The following ZFAND4 variants were observed in gnomAD, a reference collection of about 807,000 sequenced individuals.
The protein encoded by ZFAND4 is AN1-type zinc finger protein 4.
Under a neutral mutation model 64.4 loss-of-function variants are expected in ZFAND4, and 43 were observed. That is an observed-to-expected ratio of 0.67 (90% CI 0.52 to 0.86). The LOEUF (loss-of-function observed/expected upper bound fraction) is 0.86. Among genes scored for constraint, ZFAND4 ranks in the 40% least tolerant of loss-of-function variants. The pLI is 0.00. For synonymous variants in ZFAND4, 296 were observed against 305.7 expected, an observed-to-expected ratio of 0.97 and a Z score of 0.33; for missense variants, 929 against 859.8, an observed-to-expected ratio of 1.08 and a Z score of -1.01.
intron 6 of ZFAND4, among the ~76,000 whole-genome samples, chr10:45,637,526 C>A (rs1277414893): frequency 6.6e-6 from 1 of 151,842 alleles, no homozygotes; most frequent in Non-Finnish European, 1.5e-5. Context: ...CCGAGGCAGG[C>A]AGATGACAAG....
At position 45,616,291 on chromosome 10, in the gene ZFAND4, C is replaced by A; in HGVS notation, c.*145G>T. The A allele has an allele frequency of 1.9e-6, 2 of 1,063,292 alleles. No homozygotes were observed. Among genetic ancestry groups the A allele is most frequent in the Admixed American group, 3.1e-5 (1 of 32,590 alleles). 65.9% of individuals were successfully genotyped at this position (1,063,292 alleles called of 1,614,324 possible). On this transcript the variant is annotated 3_prime_UTR_variant, in exon 10 of 10. Coordinates refer to ENST00000344646, the MANE Select transcript of ZFAND4 (RefSeq NM_174890.4). Reference sequence around the variant, plus strand: ...GAAATAAAGATGTAAAATACAGTAGCATTCTTGTTCTCCAACAGTATGCAT... The same window carrying A: ...GAAATAAAGATGTAAAATACAGTAGAATTCTTGTTCTCCAACAGTATGCAT...
chr10:45,650,107 T>A (rs571863466), intron 4 of ZFAND4: 4 of 152,252 alleles, frequency 2.6e-5, no homozygotes, highest in South Asian at 4.1e-4. Flanking sequence ...AATTTTTTTT[T>A]ATTTGTATTC....
chr10:45,626,969 T>C lies in ZFAND4; in HGVS notation c.854A>G (p.Asn285Ser), dbSNP rs199693373. 8.1e-6 allele frequency: 13 copies of C among 1,614,158 alleles called. No individual in the cohort carries two copies. The highest frequency in any genetic ancestry group is 1.6e-4 in the Middle Eastern group (1 of 6,062). ...IGQSCSPAFG[N>S]AYPPEISRNG... ...CCTGGAGATTTCGGGCGGATATGCA[T>C]TCCCAAAAGCAGGTGAACAAGATTG... The change falls in exon 7 of 10, where the codon AAT becomes AGT. Residue 285 changes from asparagine to serine, a missense_variant. Transcript: ENST00000344646.
intron 6 of ZFAND4, among the ~76,000 whole-genome samples, chr10:45,630,498 G>A (rs1461992124): frequency 4.6e-5 from 7 of 152,054 alleles, no homozygotes; most frequent in African/African-American, 1.2e-4. Flanking sequence ...TTGGGAGGCC[G>A]AGGCGGATCA....
At chr10:45,671,187 C>G (rs1401085511) in intron 1 of ZFAND4, among the ~76,000 whole-genome samples, 2 of 152,182 alleles carry the variant, frequency 1.3e-5, no homozygotes, top group Admixed American at 1.3e-4. Flanking sequence ...ACAACAGATG[C>G]TGGAGAGGAT....
intron 2 of ZFAND4, among the ~76,000 whole-genome samples, chr10:45,654,385 C>G (rs1284329660): frequency 6.6e-6 from 1 of 152,114 alleles, no homozygotes. Flanking sequence ...CTTTAGGAGG[C>G]CGAGGCAGGT....
At chr10:45,617,624 GCAGTTATTTTAATT>G (rs1248770395) in intron 9 of ZFAND4, 2 of 142,180 alleles carry the variant, frequency 1.4e-5, no homozygotes, top group Non-Finnish European at 3.0e-5. Context: ...GTCCGCAGCA[GCAGTTATTTTAATT>G]CAAGCCTAGC....
chr10:45,623,772 T>G (rs977333654), intron 8 of ZFAND4, among the ~76,000 whole-genome samples: 2 of 152,176 alleles, frequency 1.3e-5, no homozygotes, highest in Non-Finnish European at 2.9e-5. Context: ...ACAGTAAAAT[T>G]TATGTTATGT....
At chr10:45,629,648 T>A (rs2133599405) in intron 6 of ZFAND4, among the ~76,000 whole-genome samples, 1 of 151,782 alleles carries the variant, frequency 6.6e-6, no homozygotes, top group South Asian at 2.1e-4. Context: ...ATTGCTTGAG[T>A]TCAGGAGTTC....
chr10:45,633,748 C>T (rs1324908424), intron 6 of ZFAND4, among the ~76,000 whole-genome samples: 2 of 151,844 alleles, frequency 1.3e-5, no homozygotes, highest in African/African-American at 4.8e-5. Flanking sequence ...AGTATTCCTA[C>T]CAAAAATGTT....
At position 45,616,425 on chromosome 10, in the gene ZFAND4, T is replaced by C. The variant is rs1239778493; in HGVS notation, c.*11A>G. The C allele has an allele frequency of 6.2e-6, 10 of 1,613,800 alleles. No homozygotes were observed. Among genetic ancestry groups the C allele is most frequent in the African/African-American group, 5.3e-5 (4 of 74,910 alleles). On this transcript the variant is annotated 3_prime_UTR_variant, in exon 10 of 10. Transcript: ENST00000344646. Reference sequence around the variant, plus strand: ...GAATCCCGGGCAGAACAGTAAGATGTAGAGGAAGAGTTAGATTTTTGGAAG... The same window carrying C: ...GAATCCCGGGCAGAACAGTAAGATGCAGAGGAAGAGTTAGATTTTTGGAAG...
intron 5 of ZFAND4, among the ~76,000 whole-genome samples, chr10:45,647,071 C>T (rs2047433156): frequency 6.6e-6 from 1 of 152,162 alleles, no homozygotes; most frequent in Admixed American, 6.5e-5. Flanking sequence ...CATATGGTTT[C>T]CTACCCTTGA....
intron 6 of ZFAND4, among the ~76,000 whole-genome samples, chr10:45,637,580 T>G (rs2046695374): frequency 6.6e-6 from 1 of 151,800 alleles, no homozygotes; most frequent in Non-Finnish European, 1.5e-5. Flanking sequence ...TGAAACCCCG[T>G]CTCTACTAAA....
intron 8 of ZFAND4, among the ~76,000 whole-genome samples, chr10:45,623,132 G>C (rs2045553869): frequency 6.6e-6 from 1 of 152,134 alleles, no homozygotes; most frequent in African/African-American, 2.4e-5. Context: ...GTGTTGCCAA[G>C]GATGTGGAGA....
intron 2 of ZFAND4, among the ~76,000 whole-genome samples, chr10:45,661,489 C>T (rs1269991288): frequency 6.6e-6 from 1 of 152,144 alleles, no homozygotes; most frequent in African/African-American, 2.4e-5. Context: ...AAAAAGCAGT[C>T]TGGCAGAGTA....
At chr10:45,647,033 T>C (rs774256496) in intron 5 of ZFAND4, among the ~76,000 whole-genome samples, 34 of 152,238 alleles carry the variant, frequency 2.2e-4, no homozygotes, top group Non-Finnish European at 3.7e-4. Flanking sequence ...GGAATCTCTC[T>C]GACTCTTGAC....
chr10:45,658,556 G>A (rs1219416556), intron 2 of ZFAND4, among the ~76,000 whole-genome samples: 1 of 152,020 alleles, frequency 6.6e-6, no homozygotes, highest in African/African-American at 2.4e-5. Flanking sequence ...GTTAGAATTT[G>A]GAGACAAATA....
chr10:45,616,738 C>T (rs2044985545), intron 9 of ZFAND4, among the ~76,000 whole-genome samples, 167 bp from the exon 10 acceptor site: 1 of 152,078 alleles, frequency 6.6e-6, no homozygotes, highest in Admixed American at 6.5e-5. Context: ...ATAAATACCC[C>T]CAAAAAGAAC....
At chr10:45,630,471 C>A (rs183445245) in intron 6 of ZFAND4, among the ~76,000 whole-genome samples, 42 of 151,864 alleles carry the variant, frequency 2.8e-4, no homozygotes, top group African/African-American at 8.9e-4. Context: ...GTGGCTCACA[C>A]CTGTAATCCC....
Sources: allele counts gnomAD v4.1 joint callset (sites outside exome capture counted in the v4.1 genomes callset), GRCh38; gene constraint gnomAD v4.1.1; transcripts MANE v1.5; gene names NCBI Gene and HGNC (gene_info 2026-07-23, HGNC 2026-07-21).